Variants in AFF3 observed in about 807,000 individuals in gnomAD.
The protein encoded by AFF3 is AF4/FMR2 family member 3.
Under a neutral mutation model 129.7 loss-of-function variants are expected in AFF3, and 32 were observed. The ratio of observed to expected loss-of-function variants is 0.25; its 90% CI spans 0.19 to 0.33. The LOEUF is 0.33. Ranked by LOEUF, AFF3 falls within the 10% of genes least tolerant of loss-of-function variation. The pLI, the probability that AFF3 is intolerant of heterozygous loss-of-function variation, is 1.00. For synonymous variants in AFF3, 644 were observed against 635.4 expected (o/e 1.01, Z -0.20); for missense variants, 1,373 against 1,592.0 (o/e 0.86, Z 2.34).
At position 99,920,956 on chromosome 2, in the gene AFF3, C is replaced by G. The variant is rs1195300115; in HGVS notation, c.874-83432G>C. ...ACAAAAAACAAGCCAGCTTTTTATA[C>G]TAAAAACTCTAAAACATTACTGAGT... On this transcript the variant is annotated intron_variant, in intron 7 of 24. Transcript: ENST00000672756. Among the ~76,000 whole-genome samples, 8 of 151,972 alleles carry G rather than the reference C, an allele frequency of 5.3e-5. No homozygotes were observed. The East Asian group carries it at 1.5e-3, about 29-fold the overall frequency.
At chr2:100,106,368 A>G (rs905195859) in intron 2 of AFF3, 1 of 1,132,022 alleles carries the variant, frequency 8.8e-7, no homozygotes, top group South Asian at 2.1e-5. Flanking sequence ...GAGAATATGA[A>G]TATAGGAAAA....
chr2:99,659,816 G>A (rs1686068709), intron 12 of AFF3, among the ~76,000 whole-genome samples: 1 of 152,012 alleles, frequency 6.6e-6, no homozygotes, highest in Non-Finnish European at 1.5e-5. Context: ...AATGGATCAA[G>A]TTTCCTAGCA....
chr2:99,768,002 T>G (rs13403467), intron 8 of AFF3, among the ~76,000 whole-genome samples: 2,859 of 152,276 alleles, frequency 0.019, 79 homozygotes, highest in African/African-American at 0.064. Context: ...TGGAGCCACA[T>G]GCAGGGCTCA....
intron 4 of AFF3, among the ~76,000 whole-genome samples, chr2:100,024,706 C>T (rs937471280): frequency 6.6e-6 from 1 of 151,920 alleles, no homozygotes; most frequent in Non-Finnish European, 1.5e-5. Context: ...AATTATAGCA[C>T]TTCGTACAAT....
intron 13 of AFF3, among the ~76,000 whole-genome samples, chr2:99,637,799 T>A (rs1050368765): frequency 2.6e-5 from 4 of 152,346 alleles, no homozygotes; most frequent in South Asian, 4.1e-4. Flanking sequence ...TGAGACGTCA[T>A]GCGTATTGGA....
chr2:100,014,783 C>CTTTTTTTTTTTTTTTT (rs60456923), intron 4 of AFF3, among the ~76,000 whole-genome samples: 5 of 120,416 alleles, frequency 4.2e-5, no homozygotes, highest in African/African-American at 1.0e-4. Flanking sequence ...ACCTTGCTTC[C>CTTTTTTTTTTTTTTTT]TTTTTTTTTT....
At chr2:100,105,299 T>C in intron 3 of AFF3, 1 of 1,176,886 alleles carries the variant, frequency 8.5e-7, no homozygotes, top group Non-Finnish European at 1.1e-6. Context: ...GCGGGGAGAG[T>C]GAGCTGTGCC....
At position 99,762,939 on chromosome 2, in the gene AFF3, C is replaced by T. The variant is rs183746263; in HGVS notation, c.922-10638G>A. Among the ~76,000 whole-genome samples the T allele has an allele frequency of 4.1e-4, 62 of 152,354 alleles. No homozygotes were observed. In the Middle Eastern group the frequency reaches 0.01, roughly 25 times the overall value. On this transcript the variant is annotated intron_variant, in intron 8 of 24. Coordinates refer to ENST00000672756, the MANE Select transcript of AFF3 (RefSeq NM_001386135.1). ...TTCAGTTCTTCTCACACGTATTATTCGTGTTATGACACTCTTATCAGATAA... is the reference window on the plus strand; with the variant it reads ...TTCAGTTCTTCTCACACGTATTATTTGTGTTATGACACTCTTATCAGATAA...
chr2:99,996,109 T>C (rs1472588557), intron 7 of AFF3, among the ~76,000 whole-genome samples: 1 of 152,154 alleles, frequency 6.6e-6, no homozygotes, highest in Non-Finnish European at 1.5e-5. Context: ...AAAAGGATTA[T>C]ACAAATAAAT....
intron 7 of AFF3, among the ~76,000 whole-genome samples, chr2:99,934,464 C>T (rs997561517): frequency 1.3e-5 from 2 of 152,162 alleles, no homozygotes; most frequent in African/African-American, 2.4e-5. Flanking sequence ...AGGGCCTCCA[C>T]GGTGCTGCAC....
At chr2:100,105,302 G>A (rs968001626) in intron 3 of AFF3, 1 of 1,190,830 alleles carries the variant, frequency 8.4e-7, no homozygotes, top group Admixed American at 3.6e-5. Flanking sequence ...GGGAGAGTGA[G>A]CTGTGCCGCC....
chr2:99,883,900 C>CT (rs946750176), intron 7 of AFF3, among the ~76,000 whole-genome samples: 1 of 152,044 alleles, frequency 6.6e-6, no homozygotes, highest in African/African-American at 2.4e-5. Flanking sequence ...ACTTTATTCT[C>CT]TATTTCAGGG....
At chr2:99,897,872 T>C (rs1439459190) in intron 7 of AFF3, among the ~76,000 whole-genome samples, 1 of 152,186 alleles carries the variant, frequency 6.6e-6, no homozygotes, top group African/African-American at 2.4e-5. Flanking sequence ...GCAAATGAAT[T>C]TTATGCACTT....
chr2:99,998,609 C>T (rs1423216249), intron 7 of AFF3, among the ~76,000 whole-genome samples: 1 of 152,110 alleles, frequency 6.6e-6, no homozygotes, highest in African/African-American at 2.4e-5. Flanking sequence ...AGGGGTCAAC[C>T]GTTTAGTGTG....
chr2:99,598,467 T>G (rs1203795380), intron 14 of AFF3, among the ~76,000 whole-genome samples: 1 of 152,148 alleles, frequency 6.6e-6, no homozygotes. Context: ...CGCGGGAACA[T>G]GGCATTACCA....
At chr2:99,908,917 C>T (rs1163980154) in intron 7 of AFF3, among the ~76,000 whole-genome samples, 6 of 152,104 alleles carry the variant, frequency 3.9e-5, no homozygotes, top group Non-Finnish European at 7.4e-5. Context: ...GTCGGTGTGG[C>T]GATTCCTCAG....
chr2:99,970,640 C>G (rs1678268620), intron 7 of AFF3, among the ~76,000 whole-genome samples: 1 of 152,232 alleles, frequency 6.6e-6, no homozygotes. Flanking sequence ...TCCTTCCGGA[C>G]ATGCTCCCCT....
intron 4 of AFF3, among the ~76,000 whole-genome samples, chr2:100,079,824 T>C (rs1393514106): frequency 6.6e-6 from 1 of 152,206 alleles, no homozygotes; most frequent in African/African-American, 2.4e-5. Flanking sequence ...GCAGATGTTA[T>C]ATCTGCGTTC....
chr2:99,702,934 T>C (rs993844442), intron 11 of AFF3, among the ~76,000 whole-genome samples: 2 of 152,210 alleles, frequency 1.3e-5, no homozygotes, highest in Non-Finnish European at 2.9e-5. Flanking sequence ...ATTTACCAGT[T>C]TTTCCTTTTA....
Sources: allele counts gnomAD v4.1 joint callset (sites outside exome capture counted in the v4.1 genomes callset), GRCh38; gene constraint gnomAD v4.1.1; transcripts MANE v1.5; gene names NCBI Gene and HGNC (gene_info 2026-07-23, HGNC 2026-07-21).